POLD1: variants seen among roughly 807,000 people sequenced by gnomAD.
The protein encoded by POLD1 is DNA polymerase delta catalytic subunit.
A neutral mutation model predicts 129.7 loss-of-function variants in POLD1; 79 were observed. That is an observed-to-expected ratio of 0.61 (90% CI 0.51 to 0.73). POLD1 has a LOEUF of 0.73. Among genes scored for constraint, POLD1 ranks in the 30% least tolerant of loss-of-function variants. The pLI is 0.00. For missense variants in POLD1, 1,338 were observed against 1,595.8 expected, an observed-to-expected ratio of 0.84 and a Z score of 2.75; for synonymous variants, 714 against 683.3, an observed-to-expected ratio of 1.04 and a Z score of -0.70.
intron 17 of POLD1, among the ~76,000 whole-genome samples, chr19:50,413,195 C>T (rs1484306458): frequency 1.3e-5 from 2 of 152,190 alleles, no homozygotes; most frequent in African/African-American, 4.8e-5. Context: ...CTTCCTTGTG[C>T]ATGTCCAGAA....
Position 50,417,671 on chromosome 19 carries a change from T to TCCCCCCCC in POLD1, c.3219-168_3219-161dup, listed in dbSNP as rs3840923. 0.017 allele frequency among the ~76,000 whole-genome samples: 1,875 copies of TCCCCCCCC among 110,452 alleles called. No individual in the cohort carries two copies. The highest frequency in any genetic ancestry group is 0.022 in the Non-Finnish European group (1,248 of 56,992). 72.5% of individuals were successfully genotyped at this position (110,452 alleles called of 152,430 possible). ...TCGCCAGGCACCCGCTGTTATCGGC[T>TCCCCCCCC]CCCCCCCCCCACCCCCCCCGTGCCT... On this transcript the variant is annotated intron_variant, in intron 26 of 26. Coordinates refer to ENST00000440232, the MANE Select transcript of POLD1 (RefSeq NM_002691.4).
Position 50,409,305 on chromosome 19 carries a change from T to G in POLD1, c.2006+70T>G. On this transcript the variant is annotated intron_variant, in intron 16 of 26. Coordinates refer to ENST00000440232, the MANE Select transcript of POLD1 (RefSeq NM_002691.4). This position sits in a 1 kb window ranked among gnomAD's most constrained non-coding sequence, Gnocchi z 5.8. ...CCTCTGGGCAATCCCTGTCCCTCACTGGGACACCCCAGGGCTGCCCAGCCA... is the reference window on the plus strand; with the variant it reads ...CCTCTGGGCAATCCCTGTCCCTCACGGGGACACCCCAGGGCTGCCCAGCCA... 7.9e-7 allele frequency: 1 copy of G among 1,270,602 alleles called. No individual in the cohort carries two copies. The highest frequency in any genetic ancestry group is 1.2e-5 in the South Asian group (1 of 81,860). 78.7% of individuals were successfully genotyped at this position (1,270,602 alleles called of 1,614,324 possible).
At chr19:50,388,825 CTT>C (rs34487979) in intron 1 of POLD1, among the ~76,000 whole-genome samples, 60 of 88,886 alleles carry the variant, frequency 6.8e-4, no homozygotes, top group Non-Finnish European at 7.5e-4. Context: ...GCAGTTAACT[CTT>C]TTTTTTTTTT....
chr19:50,392,948 C>T (rs774317075), intron 1 of POLD1, among the ~76,000 whole-genome samples: 1 of 152,248 alleles, frequency 6.6e-6, no homozygotes, highest in Non-Finnish European at 1.5e-5. Flanking sequence ...TTCCTTTACA[C>T]AGTTGCATAG....
intron 8 of POLD1, 52 bp from the exon 9 acceptor site, chr19:50,403,001 G>C: frequency 6.5e-7 from 1 of 1,541,716 alleles, no homozygotes. Context: ...CCTCCCTGCT[G>C]TGTTGGGAGT....
rs548676602 is a variant in POLD1 at position 50,416,116 on chromosome 19, C to T, written c.2821-280C>T. 22 of 581,250 alleles carry T rather than the reference C, an allele frequency of 3.8e-5. No homozygotes were observed. The East Asian group carries it at 5.1e-4, about 14-fold the overall frequency. The allele number at this position is 581,250 out of a possible 1,614,324, so 36.0% of individuals were successfully genotyped here. On this transcript the variant is annotated intron_variant, in intron 22 of 26. Transcript: ENST00000440232. ...AATCCTCCAGCTCTACCCCCACCCC[C>T]AGTGACCCACATCTTAGCCCCATGA...
At position 50,401,858 on chromosome 19, in the gene POLD1, G is replaced by A. The variant is rs2122233621; in HGVS notation, c.397G>A (p.Glu133Lys). 1 of 1,614,042 alleles carries A rather than the reference G, an allele frequency of 6.2e-7. No individual in the cohort carries two copies. The highest frequency in any genetic ancestry group is 8.5e-7 in the Non-Finnish European group (1 of 1,179,968). Residue 133 changes from glutamate to lysine, a missense_variant, in exon 4 of 27, where the codon GAG (glutamate) becomes AAG (lysine). Glu to Lys is a moderately conservative substitution (Grantham distance 56). Transcript: ENST00000440232. ...GCTCCGCGCCTTCGGGGTCACCGAT[G>A]AGGGGTTCTCTGTCTGCTGCCACAT... is the stretch of plus-strand genomic sequence containing the variant. Reference protein sequence around the residue: ...PVLRAFGVTDEGFSVCCHIHG... With the variant: ...PVLRAFGVTDKGFSVCCHIHG...
At position 50,409,281 on chromosome 19, in the gene POLD1, C is replaced by A; in HGVS notation, c.2006+46C>A. On this transcript the variant is annotated intron_variant, in intron 16 of 26. Transcript: ENST00000440232. This position sits in a 1 kb window ranked among gnomAD's most constrained non-coding sequence, Gnocchi z 5.8. ...GCTTGGAGCTCAGACCTGTTGGGGC[C>A]TCTGGGCAATCCCTGTCCCTCACTG... The A allele has an allele frequency of 7.1e-7, 1 of 1,400,724 alleles. No individual in the cohort carries two copies. Among genetic ancestry groups the A allele is most frequent in the South Asian group, 1.2e-5 (1 of 85,908 alleles). 86.8% of individuals were successfully genotyped at this position (1,400,724 alleles called of 1,614,324 possible). A position where few individuals can be genotyped will look rare whatever the true frequency, so the allele number is the denominator to read the frequency against.
intron 20 of POLD1, 31 bp downstream of exon 20, chr19:50,415,021 G>GGCT: frequency 6.7e-7 from 1 of 1,484,928 alleles, no homozygotes. Context: ...CAGACTCAGG[G>GGCT]GGCTGGGCCC....
rs1265914610 is a variant in POLD1, at chr19:50,413,810, C to A, written c.2319C>A (p.Ala773=). ...FGVSSVAEAM[A]LGREAADWVS... ...TGTCCTCGGTGGCTGAGGCGATGGC[C>A]CTGGGGCGGGAGGCCGCGGACTGGG... The change falls in exon 19 of 27, where the codon GCC becomes GCA. Residue 773 remains alanine, a synonymous_variant. Coordinates refer to ENST00000440232, the MANE Select transcript of POLD1 (RefSeq NM_002691.4). 6.2e-7 allele frequency: 1 copy of A among 1,612,582 alleles called. No individual in the cohort carries two copies.
intron 1 of POLD1, among the ~76,000 whole-genome samples, chr19:50,397,146 C>G (rs1333519363): frequency 2.0e-5 from 3 of 150,628 alleles, no homozygotes; most frequent in African/African-American, 7.3e-5. Context: ...CGCCTGAAAT[C>G]TCAGCACTTT....
Position 50,414,826 on chromosome 19 carries a change from A to G in POLD1, c.2400A>G (p.Pro800=), listed in dbSNP as rs1601240764. 6.3e-7 allele frequency: 1 copy of G among 1,578,404 alleles called. No homozygotes were observed. The highest frequency in any genetic ancestry group is 2.3e-5 in the East Asian group (1 of 43,414). ...TGGCTCCCTCCCAGGTCTACTTCCC[A>G]TACCTGCTTATCAGCAAGAAGCGCT... The part of the protein sequence containing the change: ...IRLEFEKVYF[P]YLLISKKRYA... Residue 800 remains proline (P), a synonymous_variant, in exon 20 of 27, where the codon CCA becomes CCG. Coordinates refer to ENST00000440232, the MANE Select transcript of POLD1 (RefSeq NM_002691.4).
intron 26 of POLD1, among the ~76,000 whole-genome samples, chr19:50,417,588 C>T (rs1038568173): frequency 2.0e-5 from 3 of 151,746 alleles, no homozygotes; most frequent in East Asian, 1.9e-4. Context: ...AACGGGTAGG[C>T]GGGGTGGGTT....
At chr19:50,407,592 T>C (rs567092528) in intron 14 of POLD1, among the ~76,000 whole-genome samples, 177 bp downstream of exon 14, 20 of 151,592 alleles carry the variant, frequency 1.3e-4, no homozygotes, top group Non-Finnish European at 2.2e-4. Flanking sequence ...AGAGTCTCGC[T>C]CTGTCACCCA....
In POLD1 at chr19:50,409,434, C is replaced by T. The variant is rs2122380848; in HGVS notation, c.2007-85C>T. 6.4e-7 allele frequency: 1 copy of T among 1,563,118 alleles called. No individual in the cohort carries two copies. Among genetic ancestry groups the T allele is most frequent in the Non-Finnish European group, 8.8e-7 (1 of 1,137,378 alleles). Reference sequence around the variant, plus strand: ...TCTGTGCAGTGCACAGTACGCCCAACCGTACATGGCACTCACTTCCAGAAA... The same window carrying T: ...TCTGTGCAGTGCACAGTACGCCCAATCGTACATGGCACTCACTTCCAGAAA... On this transcript the variant is annotated intron_variant, in intron 16 of 26. Transcript: ENST00000440232. The surrounding 1 kb of genome is among the most constrained non-coding windows in gnomAD (Gnocchi z 5.8).
chr19:50,409,300 C>T lies in POLD1; in HGVS notation c.2006+65C>T. The T allele has an allele frequency of 7.7e-7, 1 of 1,297,460 alleles. No homozygotes were observed. The highest frequency in any genetic ancestry group is 1.1e-6 in the Non-Finnish European group (1 of 899,922). The allele number at this position is 1,297,460 out of a possible 1,614,324, so 80.4% of individuals were successfully genotyped here. On this transcript the variant is annotated intron_variant, in intron 16 of 26. Transcript: ENST00000440232. This position sits in a 1 kb window ranked among gnomAD's most constrained non-coding sequence, Gnocchi z 5.8. ...TGGGGCCTCTGGGCAATCCCTGTCC[C>T]TCACTGGGACACCCCAGGGCTGCCC...
chr19:50,415,830 AG>A lies in POLD1; in HGVS notation c.2820+6del. On this transcript the variant is annotated splice_donor_5th_base_variant and intron_variant, in intron 22 of 26. Coordinates refer to ENST00000440232, the MANE Select transcript of POLD1 (RefSeq NM_002691.4). Reference sequence around the variant, plus strand: ...GGCCGCCTACATGAAGTCGGAGGTCAGGCCCACCTGGCTGCCTGCTCCCGCC... The same window carrying A: ...GGCCGCCTACATGAAGTCGGAGGTCAGCCCACCTGGCTGCCTGCTCCCGCC... 6.7e-7 allele frequency: 1 copy of A among 1,493,974 alleles called. No homozygotes were observed. 92.5% of individuals were successfully genotyped at this position (1,493,974 alleles called of 1,614,324 possible).
intron 1 of POLD1, among the ~76,000 whole-genome samples, chr19:50,386,854 G>A (rs3219302): frequency 0.017 from 2,589 of 152,282 alleles, 67 homozygotes; most frequent in African/African-American, 0.057. Flanking sequence ...CCGAAAGCAT[G>A]CAGGTGAGCC....
At chr19:50,400,699 CTTT>C (rs78107518) in intron 3 of POLD1, among the ~76,000 whole-genome samples, 1 of 136,942 alleles carries the variant, frequency 7.3e-6, no homozygotes, top group Non-Finnish European at 1.6e-5. Context: ...GTCTGGCTAA[CTTT>C]TTTTTTTTTT....
Sources: allele counts gnomAD v4.1 joint callset (sites outside exome capture counted in the v4.1 genomes callset), GRCh38; gene constraint gnomAD v4.1.1; non-coding constraint Gnocchi (gnomAD v3.1); transcripts MANE v1.5; gene names NCBI Gene and HGNC (gene_info 2026-07-23, HGNC 2026-07-21).